TTN: variants seen among roughly 807,000 people sequenced by gnomAD.
The protein encoded by TTN is connectin.
In TTN, 1,525 loss-of-function variants were observed where a neutral mutation model predicts 3,223.0. That is an observed-to-expected ratio of 0.47 (90% CI 0.45 to 0.49). The LOEUF (loss-of-function observed/expected upper bound fraction) is 0.49. TTN is among the 20% of genes least tolerant of loss of function. TTN has a pLI of 0.00. For missense variants in TTN, 40,786 were observed against 43,424.0 expected (o/e 0.94, Z 5.40); for synonymous variants, 14,094 against 15,161.0 (o/e 0.93, Z 5.17).
In TTN at chr2:178,577,068, C is replaced by T; in HGVS notation, c.69267G>A (p.Val23089=). The change falls in exon 324 of 363, where the codon GTG becomes GTA. Residue 23089 remains valine (V), a synonymous_variant. Transcript: ENST00000589042. The stretch of plus-strand genomic sequence containing the variant: ...TGCAAGACTGAATATCTTCAGAAAC[C>T]ACTGTCCACAAAAGTCGGCTGGTTT... ...KRETSRLLWT[V]VSEDIQSCRH... is the part of the protein sequence containing the mutation. The T allele has an allele frequency of 6.2e-7, 1 of 1,613,318 alleles. No individual in the cohort carries two copies. Among genetic ancestry groups the T allele is most frequent in the Admixed American group, 1.7e-5 (1 of 59,976 alleles).
chr2:178,620,607 A>G lies in TTN; in HGVS notation c.45914T>C (p.Val15305Ala), dbSNP rs1281172313. Reference protein sequence around the residue: ...LIVEEEDLRIVEPLKDIETME... With the variant: ...LIVEEEDLRIAEPLKDIETME... Reference sequence around the variant, plus strand: ...TGTTTCAATATCTTTAAGAGGCTCAACAATCCTAAGGTCTTCCTCTGTTGT... The same window carrying G: ...TGTTTCAATATCTTTAAGAGGCTCAGCAATCCTAAGGTCTTCCTCTGTTGT... Residue 15305 changes from valine (V) to alanine (A), a missense_variant, in exon 248 of 363, where the codon GTT (valine) becomes GCT (alanine). Val to Ala is a moderately conservative substitution (Grantham distance 64). Coordinates refer to ENST00000589042, the MANE Select transcript of TTN (RefSeq NM_001267550.2). The G allele has an allele frequency of 1.2e-6, 2 of 1,609,594 alleles. No individual in the cohort carries two copies. Among genetic ancestry groups the G allele is most frequent in the East Asian group, 2.2e-5 (1 of 44,566 alleles).
chr2:178,660,691 A>C (rs2064542978), intron 180 of TTN, among the ~76,000 whole-genome samples: 1 of 152,304 alleles, frequency 6.6e-6, no homozygotes, highest in Admixed American at 6.5e-5. Flanking sequence ...ATCGAATTAA[A>C]CTAAAGAGCT....
chr2:178,778,112 T>C, intron 24 of TTN, 137 bp from the exon 25 acceptor site: 4 of 1,071,324 alleles, frequency 3.7e-6, no homozygotes. Context: ...CTCAAACTCA[T>C]TCAGATCTAA....
intron 6 of TTN, among the ~76,000 whole-genome samples, chr2:178,797,048 A>G (rs2093805939): frequency 6.6e-6 from 1 of 152,152 alleles, no homozygotes; most frequent in Non-Finnish European, 1.5e-5. Flanking sequence ...GGCAATTTGG[A>G]TGGTTATTAA....
In TTN at chr2:178,534,825, TA is replaced by T. The variant is rs1575285509; in HGVS notation, c.101789del (p.Leu33930TyrfsTer29). 1.2e-6 allele frequency: 2 copies of T among 1,610,432 alleles called. No individual in the cohort carries two copies. Among genetic ancestry groups the T allele is most frequent in the Non-Finnish European group, 1.7e-6 (2 of 1,179,804 alleles). On this transcript the variant is annotated frameshift_variant, in exon 358 of 363. Coordinates refer to ENST00000589042, the MANE Select transcript of TTN (RefSeq NM_001267550.2). LOFTEE classifies it high-confidence loss of function. ...VHQVCEALQF[L>X]HSHNIGHFDI... ...CAAAGTGTCCAATATTATGACTGTG[TA>T]AAAACTGAAGTGCTTCACAGACCTG...
chr2:178,590,219 G>A lies in TTN; in HGVS notation c.61506C>T (p.Gly20502=). 6.2e-7 allele frequency: 1 copy of A among 1,600,252 alleles called. No individual in the cohort carries two copies. The highest frequency in any genetic ancestry group is 8.5e-7 in the Non-Finnish European group (1 of 1,173,176). ...QTIRILARVK[G]RPEPDITWTK... is the part of the protein sequence containing the mutation. ...TCCAAGTTATGTCTGGTTCAGGTCT[G>A]CCTTTGACTCGAGCTAGAATGCGGA... The change falls in exon 304 of 363, where the codon GGC becomes GGT. Residue 20502 remains glycine (G), a synonymous_variant. Coordinates refer to ENST00000589042, the MANE Select transcript of TTN (RefSeq NM_001267550.2).
Position 178,773,336 on chromosome 2 carries a change from G to A in TTN, c.7628C>T (p.Thr2543Ile), listed in dbSNP as rs765136135. Reference sequence around the variant, plus strand: ...CACCACATTTTGAGTTTCTGTACAGGTAAGGTCACGAAGACCTCTGATAAT... The same window carrying A: ...CACCACATTTTGAGTTTCTGTACAGATAAGGTCACGAAGACCTCTGATAAT... The part of the protein sequence containing the change: ...IKIIRGLRDL[T>I]CTETQNVVFE... The change falls in exon 33 of 363, where the codon ACC becomes ATC. Residue 2543 changes from threonine (T) to isoleucine (I), a missense_variant. By Grantham distance (89) the Thr-to-Ile change is moderately conservative (BLOSUM62 -1). Transcript: ENST00000589042. 10 of 1,613,822 alleles carry A rather than the reference G, an allele frequency of 6.2e-6. No homozygotes were observed. The African/African-American group carries it at 1.2e-4, about 19-fold the overall frequency.
Position 178,690,214 on chromosome 2 carries a change from T to C in TTN, c.31763-318A>G, listed in dbSNP as rs78834484. Among the ~76,000 whole-genome samples the C allele has an allele frequency of 2.1e-4, 32 of 152,310 alleles. No homozygotes were observed. The East Asian group carries it at 5.6e-3, about 27-fold the overall frequency. On this transcript the variant is annotated intron_variant, in intron 121 of 362. Coordinates refer to ENST00000589042, the MANE Select transcript of TTN (RefSeq NM_001267550.2). Reference sequence around the variant, plus strand: ...ACACAAACAATCAAGAATGTGGATATGGTATATAGAAAACTTCTTTACGCT... The same window carrying C: ...ACACAAACAATCAAGAATGTGGATACGGTATATAGAAAACTTCTTTACGCT...
Position 178,534,880 on chromosome 2 carries a change from T to C in TTN, c.101735A>G (p.Asn33912Ser), listed in dbSNP as rs1436628843. Residue 33912 changes from asparagine to serine, a missense_variant, in exon 358 of 363, where the codon AAT (asparagine) becomes AGT (serine). By Grantham distance (46) the Asn-to-Ser change is conservative. Coordinates refer to ENST00000589042, the MANE Select transcript of TTN (RefSeq NM_001267550.2). ...AACATAACTTACAATTTCTCTTTCA[T>C]TAAGTTCAAAAGCACTTGTGTTAAT... is the stretch of plus-strand genomic sequence containing the variant. ...ERINTSAFEL[N>S]EREIVSYVHQ... 2 of 1,608,664 alleles carry C rather than the reference T, an allele frequency of 1.2e-6. No individual in the cohort carries two copies. Among genetic ancestry groups the C allele is most frequent in the South Asian group, 2.2e-5 (2 of 91,088 alleles).
intron 101 of TTN, 21 bp from the exon 102 acceptor site, chr2:178,706,760 G>C: frequency 1.9e-6 from 3 of 1,599,156 alleles, no homozygotes; most frequent in Non-Finnish European, 2.6e-6. Context: ...ATGAAAACAA[G>C]TGAATAAAAA....
chr2:178,687,580 C>G (rs1304599821), intron 127 of TTN, among the ~76,000 whole-genome samples: 1 of 152,020 alleles, frequency 6.6e-6, no homozygotes, highest in Non-Finnish European at 1.5e-5. Context: ...TATTTTCTTG[C>G]TCATTTTAAA....
Position 178,634,561 on chromosome 2 carries a change from C to G in TTN, c.42220G>C (p.Glu14074Gln), listed in dbSNP as rs1418024772. The G allele has an allele frequency of 6.2e-7, 1 of 1,613,330 alleles. No individual in the cohort carries two copies. Among genetic ancestry groups the G allele is most frequent in the African/African-American group, 1.3e-5 (1 of 74,960 alleles). ...TVPERRQARF[E>Q]CVLTREANVI... is the part of the protein sequence containing the mutation. ...TTTGCCTCTCGGGTGAGGACACATT[C>G]GAATCGAGCCTGTCGCCTTTCTGGA... The change falls in exon 230 of 363, where the codon GAA (glutamate) becomes CAA (glutamine). Residue 14074 changes from glutamate to glutamine, a missense_variant. By Grantham distance (29) the Glu-to-Gln change is conservative (BLOSUM62 2). Transcript: ENST00000589042. This position sits in a 1 kb window ranked among gnomAD's most constrained non-coding sequence, Gnocchi z 4.6.
At position 178,681,103 on chromosome 2, in the gene TTN, G is replaced by A; in HGVS notation, c.33316C>T (p.Gln11106Ter). The A allele has an allele frequency of 6.2e-7, 1 of 1,603,360 alleles. No individual in the cohort carries two copies. Among genetic ancestry groups the A allele is most frequent in the Non-Finnish European group, 8.5e-7 (1 of 1,176,614 alleles). ...CCTTTAGCAGCGGGTTCAGTCACCT[G>A]CTCTTTTTCACGTTTGGTAATTGAA... ...RISITKREKE[Q>*]VTEPAAKVPM... The change falls in exon 138 of 363, where the codon CAG (glutamine) becomes TAG (stop). Residue 11106 changes from glutamine to a stop codon, truncating the protein, a stop_gained. Coordinates refer to ENST00000589042, the MANE Select transcript of TTN (RefSeq NM_001267550.2). LOFTEE classifies it high-confidence loss of function.
chr2:178,537,017 G>A lies in TTN; in HGVS notation c.100092C>T (p.Phe33364=). 1 of 1,613,354 alleles carries A rather than the reference G, an allele frequency of 6.2e-7. No individual in the cohort carries two copies. Among genetic ancestry groups the A allele is most frequent in the Non-Finnish European group, 8.5e-7 (1 of 1,179,612 alleles). ...VNLTENAGYY[F]RVSAQNTFGI... Reference sequence around the variant, plus strand: ...CGAAAGTGTTCTGAGCTGAAACCCGGAAGTAATAGCCAGCATTTTCTGTGA... The same window carrying A: ...CGAAAGTGTTCTGAGCTGAAACCCGAAAGTAATAGCCAGCATTTTCTGTGA... Residue 33364 remains phenylalanine (F), a synonymous_variant, in exon 356 of 363, where the codon TTC becomes TTT. Coordinates refer to ENST00000589042, the MANE Select transcript of TTN (RefSeq NM_001267550.2).
At chr2:178,618,530 T>C in intron 251 of TTN, 39 bp from the exon 252 acceptor site, 4 of 1,609,216 alleles carry the variant, frequency 2.5e-6, no homozygotes, top group Non-Finnish European at 3.4e-6. Flanking sequence ...TAGTGTGCTG[T>C]CTTGCTTTTA....
At chr2:178,792,233 T>C (rs746701307) in intron 9 of TTN, 36 bp from the exon 10 acceptor site, 1 of 1,578,732 alleles carries the variant, frequency 6.3e-7, no homozygotes, top group Non-Finnish European at 8.6e-7. Flanking sequence ...CTTTATTTCC[T>C]GATGCCCAAT....
In TTN at chr2:178,647,136, T is replaced by G; in HGVS notation, c.40150A>C (p.Thr13384Pro). ...PEVPPAEVEETPEEIIYEEKA... is the reference protein window; with the variant it reads ...PEVPPAEVEEPPEEIIYEEKA... ...TCTTCATATATTATTTCCTCAGGAG[T>G]CTCTTCAACTTTAAAAAACATAGTA... Residue 13384 changes from threonine (T) to proline (P), a missense_variant, in exon 215 of 363, where the codon ACT becomes CCT. Physicochemically the swap from Thr to Pro is conservative, Grantham distance 38. Coordinates refer to ENST00000589042, the MANE Select transcript of TTN (RefSeq NM_001267550.2). 3.5e-6 allele frequency: 5 copies of G among 1,427,316 alleles called. No individual in the cohort carries two copies. Among genetic ancestry groups the G allele is most frequent in the Non-Finnish European group, 3.7e-6 (4 of 1,083,250 alleles). The allele number at this position is 1,427,316 out of a possible 1,614,324, so 88.4% of individuals were successfully genotyped here. A position where few individuals can be genotyped will look rare whatever the true frequency, so the allele number is the denominator to read the frequency against.
Position 178,565,463 on chromosome 2 carries a change from C to T in TTN, c.80669G>A (p.Ser26890Asn), listed in dbSNP as rs766880487. The change falls in exon 326 of 363, where the codon AGT (serine) becomes AAT (asparagine). Residue 26890 changes from serine (S) to asparagine (N), a missense_variant. Ser to Asn is a conservative substitution (Grantham distance 46). Coordinates refer to ENST00000589042, the MANE Select transcript of TTN (RefSeq NM_001267550.2). ...PSLKLPFNTY[S>N]IQAGEDLKIE... Reference sequence around the variant, plus strand: ...TTTAAGATCTTCTCCAGCTTGGATACTATATGTGTTAAATGGTAACTTTAA... The same window carrying T: ...TTTAAGATCTTCTCCAGCTTGGATATTATATGTGTTAAATGGTAACTTTAA... The T allele has an allele frequency of 7.4e-6, 12 of 1,613,102 alleles. No homozygotes were observed. The highest frequency in any genetic ancestry group is 1.0e-5 in the Non-Finnish European group (12 of 1,179,568).
chr2:178,595,358 TA>T, intron 295 of TTN, 148 bp downstream of exon 295: 1 of 710,992 alleles, frequency 1.4e-6, no homozygotes, highest in South Asian at 1.8e-5. Flanking sequence ...ACTGTCCAAA[TA>T]CTACCAAATC....
Sources: allele counts gnomAD v4.1 joint callset (sites outside exome capture counted in the v4.1 genomes callset), GRCh38; gene constraint gnomAD v4.1.1; non-coding constraint Gnocchi (gnomAD v3.1); transcripts MANE v1.5; gene names NCBI Gene and HGNC (gene_info 2026-07-23, HGNC 2026-07-21).